CADPS2: variants seen among roughly 807,000 people sequenced by gnomAD.
CADPS2 encodes the protein calcium dependent secretion activator 2.
A neutral mutation model predicts 172.5 loss-of-function variants in CADPS2; 93 were observed. The observed-to-expected ratio is 0.54, with a 90% CI of 0.46 to 0.64. CADPS2 has a LOEUF of 0.64. Ranked by LOEUF, CADPS2 falls within the 30% of genes least tolerant of loss-of-function variation. The pLI is 0.00. For missense variants in CADPS2, 1,420 were observed against 1,565.9 expected, an observed-to-expected ratio of 0.91 and a Z score of 1.57; for synonymous variants, 546 against 555.2, an observed-to-expected ratio of 0.98 and a Z score of 0.23.
At chr7:122,579,578 C>T (rs2068534721) in intron 7 of CADPS2, among the ~76,000 whole-genome samples, 1 of 150,584 alleles carries the variant, frequency 6.6e-6, no homozygotes. Flanking sequence ...TAGCATTAGA[C>T]TTAAAATGGC....
chr7:122,752,329 G>C (rs1344376159), intron 1 of CADPS2, among the ~76,000 whole-genome samples: 1 of 152,048 alleles, frequency 6.6e-6, no homozygotes, highest in African/African-American at 2.4e-5. Flanking sequence ...GCAAAGAACA[G>C]ATAAACAAAA....
At chr7:122,566,650 T>A (rs908584627) in intron 7 of CADPS2, among the ~76,000 whole-genome samples, 2 of 152,094 alleles carry the variant, frequency 1.3e-5, no homozygotes, top group Non-Finnish European at 2.9e-5. Context: ...ATGTTTCAAT[T>A]TACTTCTATT....
chr7:122,477,002 GGAGAGGAGAGGAGA>G lies in CADPS2; in HGVS notation c.1862-2499_1862-2486del, dbSNP rs2056703250. 3.6e-4 allele frequency among the ~76,000 whole-genome samples: 15 copies of G among 42,236 alleles called. No homozygotes were observed. In the South Asian group the frequency reaches 0.012, roughly 35 times the overall value. 27.7% of individuals were successfully genotyped at this position (42,236 alleles called of 152,430 possible). A position where few individuals can be genotyped will look rare whatever the true frequency, so the allele number is the denominator to read the frequency against. Reference sequence around the variant, plus strand: ...AAGGGGGGCGGGAGGGGAGGGGAGAGGAGAGGAGAGGAGAGGAGAGGAGAGGAGAGGAGAGGAGA... The same window carrying G: ...AAGGGGGGCGGGAGGGGAGGGGAGAGGGAGAGGAGAGGAGAGGAGAGGAGA... On this transcript the variant is annotated intron_variant, in intron 12 of 29. Transcript: ENST00000449022.
intron 2 of CADPS2, among the ~76,000 whole-genome samples, chr7:122,725,109 T>C (rs2090943391): frequency 6.6e-6 from 1 of 152,072 alleles, no homozygotes; most frequent in Non-Finnish European, 1.5e-5. Context: ...TGTAATGTGA[T>C]ATGAAAATAT....
At chr7:122,722,416 A>C (rs2090536900) in intron 2 of CADPS2, among the ~76,000 whole-genome samples, 1 of 151,570 alleles carries the variant, frequency 6.6e-6, no homozygotes, top group Non-Finnish European at 1.5e-5. Flanking sequence ...ACAGAGAGCC[A>C]AATCATGAGT....
intron 8 of CADPS2, among the ~76,000 whole-genome samples, chr7:122,515,632 G>A (rs1294098664): frequency 1.3e-5 from 2 of 151,928 alleles, no homozygotes; most frequent in Non-Finnish European, 2.9e-5. Flanking sequence ...AGACTGTTGG[G>A]CAACTGGGTC....
At chr7:122,418,209 TATGTGTCAGGCACAAGCC>T (rs1349369257) in intron 17 of CADPS2, among the ~76,000 whole-genome samples, 3 of 152,076 alleles carry the variant, frequency 2.0e-5, no homozygotes, top group Non-Finnish European at 4.4e-5. Flanking sequence ...GAGAGCCAAT[TATGTGTCAGGCACAAGCC>T]AGGGCGCTTC....
At chr7:122,599,608 G>A (rs1323785874) in intron 6 of CADPS2, among the ~76,000 whole-genome samples, 3 of 151,932 alleles carry the variant, frequency 2.0e-5, no homozygotes, top group South Asian at 2.1e-4. Flanking sequence ...AGATATCCCC[G>A]GAAGAGAAGG....
chr7:122,573,497 C>T (rs1375704225), intron 7 of CADPS2, among the ~76,000 whole-genome samples: 12 of 152,008 alleles, frequency 7.9e-5, no homozygotes, highest in Non-Finnish European at 1.8e-4. Flanking sequence ...CCATGCTCTC[C>T]GGCCTGGGCA....
chr7:122,860,792 T>A (rs1174500284), intron 1 of CADPS2, among the ~76,000 whole-genome samples: 2 of 152,128 alleles, frequency 1.3e-5, no homozygotes, highest in Non-Finnish European at 2.9e-5. Flanking sequence ...TTCTATGAGA[T>A]CAACTTTTTT....
At chr7:122,462,111 T>C (rs1295169379) in intron 14 of CADPS2, among the ~76,000 whole-genome samples, 4 of 152,082 alleles carry the variant, frequency 2.6e-5, no homozygotes, top group African/African-American at 7.2e-5. Flanking sequence ...AAAAGGAAAA[T>C]TGTTTCTAAA....
intron 20 of CADPS2, among the ~76,000 whole-genome samples, chr7:122,394,445 C>T (rs2044788401): frequency 6.6e-6 from 1 of 152,092 alleles, no homozygotes; most frequent in Admixed American, 6.5e-5. Context: ...GATGACAGTA[C>T]TATAGATTGT....
intron 17 of CADPS2, among the ~76,000 whole-genome samples, chr7:122,418,814 A>C (rs1027316565): frequency 6.6e-6 from 1 of 152,204 alleles, no homozygotes; most frequent in African/African-American, 2.4e-5. Flanking sequence ...GGACCATCCC[A>C]TATATTTTAG....
intron 2 of CADPS2, chr7:122,702,236 T>G: frequency 1.2e-6 from 2 of 1,613,868 alleles, no homozygotes; most frequent in Non-Finnish European, 1.7e-6. Flanking sequence ...GACTGTCACA[T>G]AGACTCCTTT....
At chr7:122,563,769 G>A (rs1008304106) in intron 7 of CADPS2, among the ~76,000 whole-genome samples, 7 of 152,112 alleles carry the variant, frequency 4.6e-5, no homozygotes, top group African/African-American at 1.7e-4. Context: ...AAAGTGAAGA[G>A]CATGGAACAT....
intron 13 of CADPS2, among the ~76,000 whole-genome samples, chr7:122,472,428 T>C (rs1938603927): frequency 1.3e-5 from 2 of 152,126 alleles, no homozygotes; most frequent in Admixed American, 1.3e-4. Context: ...TGAAGATAAA[T>C]AAGCTAAAGC....
chr7:122,685,311 G>A (rs2083495278), intron 2 of CADPS2, among the ~76,000 whole-genome samples: 1 of 152,150 alleles, frequency 6.6e-6, no homozygotes, highest in African/African-American at 2.4e-5. Context: ...TTTCCAAGTG[G>A]CAATGCTCTC....
chr7:122,760,201 C>T (rs1330682726), intron 1 of CADPS2, among the ~76,000 whole-genome samples: 1 of 151,600 alleles, frequency 6.6e-6, no homozygotes, highest in Non-Finnish European at 1.5e-5. Flanking sequence ...TTATTAAGCA[C>T]TGTATATGCT....
At chr7:122,328,522 A>T (rs1284224247) in intron 28 of CADPS2, 3 of 151,438 alleles carry the variant, frequency 2.0e-5, no homozygotes, top group Non-Finnish European at 4.4e-5. Context: ...TGGGAATGGC[A>T]TTACTGCTTT....
Sources: allele counts gnomAD v4.1 joint callset (sites outside exome capture counted in the v4.1 genomes callset), GRCh38; gene constraint gnomAD v4.1.1; transcripts MANE v1.5; gene names NCBI Gene and HGNC (gene_info 2026-07-23, HGNC 2026-07-21).